The following LRRTM4 variants were observed in gnomAD, a reference collection of about 807,000 sequenced individuals.
LRRTM4 encodes leucine-rich repeat transmembrane neuronal protein 4.
In LRRTM4, 25 loss-of-function variants were observed where a neutral mutation model predicts 47.6. The ratio of observed to expected loss-of-function variants is 0.53; its 90% CI spans 0.38 to 0.73. The LOEUF is 0.73. Ranked by LOEUF, LRRTM4 falls within the 30% of genes least tolerant of loss-of-function variation. The pLI is 0.00. For synonymous variants in LRRTM4, 311 were observed against 269.5 expected (o/e 1.15, Z -1.51); for missense variants, 638 against 713.4 (o/e 0.89, Z 1.20).
intron 3 of LRRTM4, among the ~76,000 whole-genome samples, chr2:77,318,369 T>G (rs1313434180): frequency 6.6e-6 from 1 of 152,166 alleles, no homozygotes. Context: ...AAATTACATA[T>G]TTTTTAAATT....
At chr2:76,884,046 C>A (rs557840056) in intron 3 of LRRTM4, among the ~76,000 whole-genome samples, 2 of 151,814 alleles carry the variant, frequency 1.3e-5, no homozygotes, top group East Asian at 3.9e-4. Context: ...TCTCCAACTC[C>A]TGGCTTCAAG....
At chr2:77,145,887 G>A (rs1672246803) in intron 3 of LRRTM4, among the ~76,000 whole-genome samples, 1 of 152,022 alleles carries the variant, frequency 6.6e-6, no homozygotes. Flanking sequence ...TATATTCTGA[G>A]CATGTGTTTC....
At chr2:76,853,220 A>G (rs1314580115) in intron 3 of LRRTM4, among the ~76,000 whole-genome samples, 2 of 152,106 alleles carry the variant, frequency 1.3e-5, no homozygotes, top group African/African-American at 2.4e-5. Context: ...GGGAGGGGCT[A>G]TTGTCGCTAT....
intron 3 of LRRTM4, among the ~76,000 whole-genome samples, chr2:76,816,083 A>T (rs1327138977): frequency 6.6e-6 from 1 of 152,112 alleles, no homozygotes; most frequent in Non-Finnish European, 1.5e-5. Context: ...GATCAAATTC[A>T]CAAGTCTGTA....
At chr2:76,969,074 A>G (rs1676135146) in intron 3 of LRRTM4, among the ~76,000 whole-genome samples, 1 of 151,808 alleles carries the variant, frequency 6.6e-6, no homozygotes, top group African/African-American at 2.4e-5. Context: ...TCACTTTTTA[A>G]AGTTGAAGAA....
chr2:76,862,649 A>T (rs1171047635), intron 3 of LRRTM4, among the ~76,000 whole-genome samples: 3 of 152,252 alleles, frequency 2.0e-5, no homozygotes, highest in South Asian at 2.1e-4. Context: ...GCGCACACAC[A>T]CACAAACACA....
At chr2:77,256,076 T>C (rs1360678475) in intron 3 of LRRTM4, among the ~76,000 whole-genome samples, 1 of 152,010 alleles carries the variant, frequency 6.6e-6, no homozygotes, top group Non-Finnish European at 1.5e-5. Flanking sequence ...ACCAATGTCA[T>C]GAATAATATT....
chr2:76,916,262 G>A (rs1674241317), intron 3 of LRRTM4, among the ~76,000 whole-genome samples: 2 of 151,658 alleles, frequency 1.3e-5, no homozygotes, highest in African/African-American at 4.8e-5. Context: ...GCGGGCGCCT[G>A]TAGTCCCAGC....
At chr2:77,145,668 G>T (rs1672238259) in intron 3 of LRRTM4, among the ~76,000 whole-genome samples, 1 of 151,776 alleles carries the variant, frequency 6.6e-6, no homozygotes, top group Non-Finnish European at 1.5e-5. Flanking sequence ...CAGCTACTCG[G>T]GAGGCTGAGG....
chr2:77,377,632 A>C (rs966785219), intron 3 of LRRTM4, among the ~76,000 whole-genome samples: 1 of 152,006 alleles, frequency 6.6e-6, no homozygotes, highest in African/African-American at 2.4e-5. Context: ...TGATAATACT[A>C]ATCGGGTTAA....
chr2:77,064,369 T>C (rs1353153218), intron 3 of LRRTM4, among the ~76,000 whole-genome samples: 2 of 152,092 alleles, frequency 1.3e-5, no homozygotes, highest in African/African-American at 4.8e-5. Context: ...ATAGTAGAGA[T>C]AAAATAAAGC....
chr2:76,937,299 A>G (rs576324021), intron 3 of LRRTM4, among the ~76,000 whole-genome samples: 6 of 152,258 alleles, frequency 3.9e-5, no homozygotes, highest in South Asian at 2.1e-4. Flanking sequence ...CAAAATCTCA[A>G]TGTTTAGCCA....
chr2:77,229,701 T>C (rs1011583867), intron 3 of LRRTM4, among the ~76,000 whole-genome samples: 2 of 152,150 alleles, frequency 1.3e-5, no homozygotes, highest in Non-Finnish European at 2.9e-5. Flanking sequence ...CATCATCTCC[T>C]GCCAGACTTA....
chr2:76,782,065 G>A (rs1384679310), intron 3 of LRRTM4, among the ~76,000 whole-genome samples: 1 of 152,082 alleles, frequency 6.6e-6, no homozygotes, highest in African/African-American at 2.4e-5. Flanking sequence ...GTCATAGAAT[G>A]ACTTCATTTT....
At chr2:77,346,482 G>T (rs970036268) in intron 3 of LRRTM4, among the ~76,000 whole-genome samples, 3 of 152,184 alleles carry the variant, frequency 2.0e-5, no homozygotes, top group African/African-American at 4.8e-5. Flanking sequence ...GTGTGCTGGG[G>T]GGGTCTATGT....
At chr2:77,436,944 C>A (rs928051868) in intron 3 of LRRTM4, among the ~76,000 whole-genome samples, 1 of 151,704 alleles carries the variant, frequency 6.6e-6, no homozygotes, top group African/African-American at 2.4e-5. Context: ...ACCCAAACAT[C>A]CACATAACAT....
intron 3 of LRRTM4, among the ~76,000 whole-genome samples, chr2:76,916,737 A>G (rs1223720272): frequency 6.6e-6 from 1 of 152,142 alleles, no homozygotes; most frequent in East Asian, 1.9e-4. Context: ...GTGACCTAAA[A>G]TTTTAGATCC....
intron 3 of LRRTM4, among the ~76,000 whole-genome samples, chr2:77,135,550 C>A (rs374070644): frequency 1.3e-5 from 2 of 152,140 alleles, no homozygotes; most frequent in African/African-American, 4.8e-5. Context: ...AGGATTTGAT[C>A]GAGAAAGTAA....
intron 3 of LRRTM4, among the ~76,000 whole-genome samples, chr2:77,369,321 T>TA (rs1455427137): frequency 6.6e-6 from 1 of 151,594 alleles, no homozygotes; most frequent in Non-Finnish European, 1.5e-5. Context: ...TTTGCTTTTG[T>TA]AGCCCATGGG....
Sources: allele counts gnomAD v4.1 joint callset (sites outside exome capture counted in the v4.1 genomes callset), GRCh38; gene constraint gnomAD v4.1.1; transcripts MANE v1.5; gene names NCBI Gene and HGNC (gene_info 2026-07-23, HGNC 2026-07-21).